SOX5: variants seen among roughly 807,000 people sequenced by gnomAD.
SOX5 encodes the protein SRY-box transcription factor 5.
Under a neutral mutation model 92.0 loss-of-function variants are expected in SOX5, and 9 were observed. The ratio of observed to expected loss-of-function variants is 0.10; its 90% confidence interval spans 0.06 to 0.17. SOX5 has a LOEUF of 0.17. Among genes scored for constraint, SOX5 ranks in the 10% least tolerant of loss-of-function variants. SOX5 has a pLI of 1.00. For synonymous variants in SOX5, 344 were observed against 336.3 expected (o/e 1.02, Z -0.25); for missense variants, 642 against 944.5 (o/e 0.68, Z 4.20).
intron 8 of SOX5, among the ~76,000 whole-genome samples, chr12:23,611,014 T>C (rs899471978): frequency 1.3e-5 from 2 of 152,306 alleles, no homozygotes; most frequent in Non-Finnish European, 2.9e-5. Flanking sequence ...AAATATTTGT[T>C]ATTTAGAAAG....
chr12:24,306,307 C>A (rs1355884301), intron 2 of SOX5, among the ~76,000 whole-genome samples: 2 of 152,198 alleles, frequency 1.3e-5, no homozygotes, highest in Non-Finnish European at 2.9e-5. Context: ...CAGTTCAAAG[C>A]TTGCTGTAAT....
chr12:23,835,477 C>T (rs1174111744), intron 3 of SOX5, among the ~76,000 whole-genome samples: 1 of 151,566 alleles, frequency 6.6e-6, no homozygotes, highest in Non-Finnish European at 1.5e-5. Context: ...CCTATTATTC[C>T]ACAATTATTT....
At chr12:24,240,696 G>A (rs917745676) in intron 3 of SOX5, among the ~76,000 whole-genome samples, 4 of 152,118 alleles carry the variant, frequency 2.6e-5, no homozygotes, top group Admixed American at 1.3e-4. Context: ...ATTGACAGCT[G>A]AAATTTACTC....
intron 8 of SOX5, among the ~76,000 whole-genome samples, chr12:23,621,079 C>T (rs2077118794): frequency 6.6e-6 from 1 of 152,028 alleles, no homozygotes; most frequent in Non-Finnish European, 1.5e-5. Context: ...AGAACTTATA[C>T]ATCCACAATT....
chr12:24,485,059 A>G (rs1946378903), intron 1 of SOX5, among the ~76,000 whole-genome samples: 1 of 152,202 alleles, frequency 6.6e-6, no homozygotes, highest in South Asian at 2.1e-4. Flanking sequence ...GAAAGGAATA[A>G]GAGTATTTAG....
chr12:24,035,619 C>T (rs1007615506), intron 4 of SOX5, among the ~76,000 whole-genome samples: 3 of 151,922 alleles, frequency 2.0e-5, no homozygotes, highest in Non-Finnish European at 4.4e-5. Flanking sequence ...ATGCAATAAG[C>T]ATATTAGGTT....
intron 4 of SOX5, among the ~76,000 whole-genome samples, chr12:24,005,534 G>A (rs1952063616): frequency 6.6e-6 from 1 of 152,116 alleles, no homozygotes; most frequent in Non-Finnish European, 1.5e-5. Flanking sequence ...ACATCTCCAT[G>A]ACTTATTTCT....
At chr12:24,016,483 C>A (rs917109678) in intron 4 of SOX5, among the ~76,000 whole-genome samples, 1 of 152,062 alleles carries the variant, frequency 6.6e-6, no homozygotes, top group Non-Finnish European at 1.5e-5. Flanking sequence ...AAGCATTAAC[C>A]CCTTGGTCAT....
chr12:24,097,750 C>T (rs545713741), intron 4 of SOX5, among the ~76,000 whole-genome samples: 5 of 152,092 alleles, frequency 3.3e-5, no homozygotes, highest in Admixed American at 2.6e-4. Flanking sequence ...CACTACTGAT[C>T]GCACTGTCAT....
intron 2 of SOX5, among the ~76,000 whole-genome samples, chr12:24,344,773 G>A (rs889957306): frequency 5.3e-5 from 8 of 152,102 alleles, no homozygotes; most frequent in Non-Finnish European, 8.8e-5. Context: ...ACAGAAATAC[G>A]AAACAAAGGC....
chr12:24,402,770 T>C (rs1962049471), intron 1 of SOX5, among the ~76,000 whole-genome samples: 1 of 152,150 alleles, frequency 6.6e-6, no homozygotes, highest in South Asian at 2.1e-4. Context: ...TATAAAAACA[T>C]ATGGCTGCAG....
intron 3 of SOX5, among the ~76,000 whole-genome samples, chr12:24,237,319 C>T (rs527943939): frequency 6.6e-6 from 1 of 152,200 alleles, no homozygotes; most frequent in South Asian, 2.1e-4. Flanking sequence ...CTCCAATATC[C>T]TACAACTTTT....
At chr12:24,078,640 T>C (rs566907760) in intron 4 of SOX5, among the ~76,000 whole-genome samples, 1 of 152,056 alleles carries the variant, frequency 6.6e-6, no homozygotes, top group African/African-American at 2.4e-5. Flanking sequence ...GCAGGGAGTC[T>C]GCTTGGGAGA....
intron 1 of SOX5, among the ~76,000 whole-genome samples, chr12:24,399,302 C>A (rs1289567824): frequency 6.6e-6 from 1 of 152,294 alleles, no homozygotes; most frequent in East Asian, 1.9e-4. Flanking sequence ...TTAGTTTCTC[C>A]TCTGGTAAAA....
At chr12:23,569,918 T>C (rs952225656) in intron 10 of SOX5, among the ~76,000 whole-genome samples, 9 of 152,382 alleles carry the variant, frequency 5.9e-5, no homozygotes, top group African/African-American at 2.2e-4. Flanking sequence ...TAGCATTTTT[T>C]AGTACAATCT....
chr12:24,139,107 C>T (rs1251925862), intron 4 of SOX5, among the ~76,000 whole-genome samples: 3 of 152,122 alleles, frequency 2.0e-5, no homozygotes, highest in Admixed American at 6.6e-5. Flanking sequence ...AATTAATTTT[C>T]CCATTTCTCA....
chr12:23,573,186 G>C (rs146292469), intron 10 of SOX5, among the ~76,000 whole-genome samples: 109 of 152,166 alleles, frequency 7.2e-4, no homozygotes, highest in African/African-American at 2.3e-3. Context: ...CCCTTGAAGA[G>C]TAATATACAT....
intron 2 of SOX5, among the ~76,000 whole-genome samples, chr12:23,860,975 A>AAAAAAAAAAAAAAAAAAC (rs2096750800): frequency 6.7e-6 from 1 of 150,270 alleles, no homozygotes; most frequent in African/African-American, 2.4e-5. Flanking sequence ...AAAAAAAAAA[A>AAAAAAAAAAAAAAAAAAC]AAACCCTGCC....
At chr12:24,002,037 C>A (rs1029512567) in intron 4 of SOX5, among the ~76,000 whole-genome samples, 4 of 152,068 alleles carry the variant, frequency 2.6e-5, no homozygotes, top group Non-Finnish European at 4.4e-5. Flanking sequence ...AAATGAAATT[C>A]ATTGGATACA....
Sources: allele counts gnomAD v4.1 joint callset (sites outside exome capture counted in the v4.1 genomes callset), GRCh38; gene constraint gnomAD v4.1.1; transcripts MANE v1.5; gene names NCBI Gene and HGNC (gene_info 2026-07-23, HGNC 2026-07-21).